The following CLYBL variants were observed in gnomAD, a reference collection of about 807,000 sequenced individuals.
The protein encoded by CLYBL is citramalyl-CoA lyase, mitochondrial.
Under a neutral mutation model 38.9 loss-of-function variants are expected in CLYBL, and 31 were observed. The ratio of observed to expected loss-of-function variants is 0.80; its 90% CI spans 0.60 to 1.08. The LOEUF is 1.08. Among genes scored for constraint, CLYBL ranks in the 50% least tolerant of loss-of-function variants. CLYBL has a pLI of 0.00. For synonymous variants in CLYBL, 171 were observed against 158.6 expected (o/e 1.08, Z -0.59); for missense variants, 434 against 411.6 (o/e 1.05, Z -0.47).
intron 1 of CLYBL, among the ~76,000 whole-genome samples, chr13:99,753,014 G>A (rs1298254900): frequency 6.6e-6 from 1 of 152,138 alleles, no homozygotes; most frequent in Admixed American, 6.5e-5. Context: ...AGGGGGCATG[G>A]GGAAGGTCCT....
intron 7 of CLYBL, among the ~76,000 whole-genome samples, chr13:99,883,638 A>G (rs903968112): frequency 1.3e-5 from 2 of 152,168 alleles, no homozygotes; most frequent in East Asian, 1.9e-4. Flanking sequence ...CTTTTGAGCC[A>G]TAGACAGAGC....
At chr13:99,847,032 G>A (rs553785284) in intron 2 of CLYBL, among the ~76,000 whole-genome samples, 19 of 152,160 alleles carry the variant, frequency 1.2e-4, no homozygotes, top group African/African-American at 3.6e-4. Context: ...AATTTGGATC[G>A]GCTTCCAGTA....
chr13:99,701,658 CTTATTTAT>C (rs145880554), intron 1 of CLYBL, among the ~76,000 whole-genome samples: 3,268 of 151,732 alleles, frequency 0.022, 58 homozygotes, highest in Middle Eastern at 0.092. Flanking sequence ...AGTATCACTT[CTTATTTAT>C]TTATTTATTT....
chr13:99,633,471 G>A (rs2046977034), intron 1 of CLYBL, among the ~76,000 whole-genome samples: 4 of 150,226 alleles, frequency 2.7e-5, no homozygotes. Context: ...GGAGGTGGAG[G>A]TTGCAGTGAG....
chr13:99,689,130 A>G (rs1190260012), intron 1 of CLYBL, among the ~76,000 whole-genome samples: 1 of 152,306 alleles, frequency 6.6e-6, no homozygotes, highest in East Asian at 1.9e-4. Flanking sequence ...TTGGGACTTC[A>G]CATAAATTCA....
intron 1 of CLYBL, among the ~76,000 whole-genome samples, chr13:99,692,967 C>T (rs1348232475): frequency 6.6e-6 from 1 of 152,118 alleles, no homozygotes; most frequent in African/African-American, 2.4e-5. Flanking sequence ...TTATCCATTC[C>T]AATGATGGAT....
intron 2 of CLYBL, among the ~76,000 whole-genome samples, chr13:99,834,858 T>C (rs1408008836): frequency 6.6e-6 from 1 of 152,252 alleles, no homozygotes; most frequent in Non-Finnish European, 1.5e-5. Flanking sequence ...TTTGTCTTAT[T>C]GTTCAATTGG....
chr13:99,821,966 G>A (rs1010855798), intron 2 of CLYBL, among the ~76,000 whole-genome samples: 1 of 152,166 alleles, frequency 6.6e-6, no homozygotes, highest in South Asian at 2.1e-4. Context: ...ACACATGCAG[G>A]CTTGCACGTC....
At chr13:99,831,329 A>T (rs2050799266) in intron 2 of CLYBL, among the ~76,000 whole-genome samples, 1 of 152,234 alleles carries the variant, frequency 6.6e-6, no homozygotes, top group African/African-American at 2.4e-5. Context: ...ACCATTAATC[A>T]GGAGCTGCAA....
At chr13:99,639,637 A>G (rs2047066835) in intron 1 of CLYBL, among the ~76,000 whole-genome samples, 1 of 152,224 alleles carries the variant, frequency 6.6e-6, no homozygotes, top group Admixed American at 6.5e-5. Context: ...TCTTACCTGT[A>G]ATACCAGCAC....
At chr13:99,866,213 C>A (rs2139230914) in intron 5 of CLYBL, 27 bp from the exon 6 acceptor site, 1 of 1,610,082 alleles carries the variant, frequency 6.2e-7, no homozygotes, top group East Asian at 2.2e-5. Context: ...TTAAAGCCTC[C>A]TTTTTCTGTT....
chr13:99,879,466 C>T (rs186998607), intron 7 of CLYBL, among the ~76,000 whole-genome samples: 6 of 152,316 alleles, frequency 3.9e-5, no homozygotes, highest in East Asian at 1.9e-4. Context: ...CCTCCTCCTC[C>T]GTGTAAGCCA....
chr13:99,824,739 A>G (rs907890712), intron 2 of CLYBL, among the ~76,000 whole-genome samples: 3 of 152,166 alleles, frequency 2.0e-5, no homozygotes, highest in African/African-American at 7.2e-5. Context: ...CCCACACTCC[A>G]TCAAAAAATA....
chr13:99,768,027 AG>A (rs1191271022), intron 1 of CLYBL, among the ~76,000 whole-genome samples: 1 of 151,894 alleles, frequency 6.6e-6, no homozygotes. Context: ...GTTGTTGAAA[AG>A]TGAATGTTTG....
chr13:99,800,291 A>G (rs2050106194), intron 2 of CLYBL, among the ~76,000 whole-genome samples: 1 of 152,178 alleles, frequency 6.6e-6, no homozygotes, highest in African/African-American at 2.4e-5. Context: ...ATCAGAGTGA[A>G]TATCAGGCTT....
At chr13:99,761,014 C>A (rs1000675556) in intron 1 of CLYBL, among the ~76,000 whole-genome samples, 1 of 152,116 alleles carries the variant, frequency 6.6e-6, no homozygotes, top group African/African-American at 2.4e-5. Context: ...CTCTTCATAC[C>A]CACTTTTCCT....
downstream of CLYBL, chr13:99,893,194 G>A (rs1272586142): frequency 2.6e-5 from 4 of 152,344 alleles, no homozygotes; most frequent in African/African-American, 9.6e-5. Flanking sequence ...GAGGCCGGAA[G>A]GAGGAAGATG....
At position 99,606,742 on chromosome 13, in the gene CLYBL, C is replaced by T. The variant is rs775057322; in HGVS notation, c.47C>T (p.Ala16Val). 20 of 1,482,702 alleles carry T rather than the reference C, an allele frequency of 1.3e-5. No individual in the cohort carries two copies. Among genetic ancestry groups the T allele is most frequent in the Non-Finnish European group, 1.6e-5 (18 of 1,122,220 alleles). The allele number at this position is 1,482,702 out of a possible 1,614,324, so 91.8% of individuals were successfully genotyped here. A position where few individuals can be genotyped will look rare whatever the true frequency, so the allele number is the denominator to read the frequency against. Residue 16 changes from alanine (A) to valine (V), a missense_variant, in exon 1 of 9, where the codon GCG (alanine) becomes GTG (valine). Transcript: ENST00000339105. The part of the protein sequence containing the change: ...LRRAARGAAA[A>V]ALLRLKASLA... The stretch of plus-strand genomic sequence containing the variant: ...AGGGCGGCGCGCGGAGCTGCGGCGG[C>T]GGCGCTGCTGAGGCTGTGAGTGCAG...
chr13:99,649,290 G>T (rs1172966861), intron 1 of CLYBL, among the ~76,000 whole-genome samples: 1 of 152,104 alleles, frequency 6.6e-6, no homozygotes, highest in Non-Finnish European at 1.5e-5. Flanking sequence ...TGTTATTCAT[G>T]CCAGCTCGCT....
Sources: gnomAD v4.1 joint callset for allele counts (sites outside exome capture counted in the v4.1 genomes callset) on GRCh38, gnomAD v4.1.1 for gene constraint, MANE v1.5 for transcripts, NCBI Gene and HGNC (gene_info 2026-07-23, HGNC 2026-07-21) for gene names.